TEX15: variants seen among roughly 807,000 people sequenced by gnomAD.
The protein encoded by TEX15 is testis expressed 15, meiosis and synapsis associated.
A neutral mutation model predicts 237.3 loss-of-function variants in TEX15; 171 were observed. That is an observed-to-expected ratio of 0.72 (90% CI 0.64 to 0.82). The LOEUF (loss-of-function observed/expected upper bound fraction) is 0.82, where lower values mean the gene tolerates loss of function less well. TEX15 is among the 40% of genes least tolerant of loss of function. The pLI is 0.00. For missense variants in TEX15, 3,750 were observed against 3,646.5 expected (o/e 1.03, Z -0.73); for synonymous variants, 1,338 against 1,269.8 (o/e 1.05, Z -1.14).
In TEX15 at chr8:30,912,973, A is replaced by G. The variant is rs1195925572; in HGVS notation, c.-180T>C. Reference sequence around the variant, plus strand: ...TGCCTTCCCTGGAAGCCTCAGGAACACAGCAGCACCCCCCAGCGAGGTGCG... The same window carrying G: ...TGCCTTCCCTGGAAGCCTCAGGAACGCAGCAGCACCCCCCAGCGAGGTGCG... On this transcript the variant is annotated 5_prime_UTR_variant, in exon 1 of 11. Coordinates refer to ENST00000643185, the MANE Select transcript of TEX15 (RefSeq NM_001350162.2). The G allele has an allele frequency of 6.6e-6, 1 of 152,422 alleles. No homozygotes were observed. Among genetic ancestry groups the G allele is most frequent in the Non-Finnish European group, 1.5e-5 (1 of 68,208 alleles). 9.4% of individuals were successfully genotyped at this position (152,422 alleles called of 1,614,324 possible).
At chr8:30,904,667 C>A (rs769437705) in intron 1 of TEX15, among the ~76,000 whole-genome samples, 3 of 152,178 alleles carry the variant, frequency 2.0e-5, no homozygotes, top group Non-Finnish European at 4.4e-5. Context: ...TCCTCAGCTT[C>A]TCTTTCAATG....
chr8:30,896,295 G>A (rs1389699974), intron 2 of TEX15, among the ~76,000 whole-genome samples: 6 of 152,064 alleles, frequency 3.9e-5, no homozygotes, highest in Non-Finnish European at 8.8e-5. Flanking sequence ...GTTTTATCAC[G>A]CTTTTAATTT....
At chr8:30,873,200 T>C (rs554106752) in intron 4 of TEX15, among the ~76,000 whole-genome samples, 53 of 152,314 alleles carry the variant, frequency 3.5e-4, no homozygotes, top group African/African-American at 1.2e-3. Context: ...GGGAAAGATT[T>C]AATGCAACAG....
In TEX15 at chr8:30,846,207, T is replaced by C. The variant is rs1807601286; in HGVS notation, c.3960A>G (p.Arg1320=). 6.2e-7 allele frequency: 1 copy of C among 1,613,202 alleles called. No individual in the cohort carries two copies. The highest frequency in any genetic ancestry group is 2.2e-5 in the East Asian group (1 of 44,848). The change falls in exon 8 of 11, where the codon CGA becomes CGG. Residue 1320 remains arginine, a synonymous_variant. Transcript: ENST00000643185. ...DQNIPHKDLR[R]HKIYGRKRRL... ...TCCTCTTTCTCCCATAAATTTTATG[T>C]CGTCTTAAATCTTTATGTGGTATGT...
At position 30,843,012 on chromosome 8, in the gene TEX15, T is replaced by C. The variant is rs1201825873; in HGVS notation, c.7155A>G (p.Lys2385=). 1 of 1,613,578 alleles carries C rather than the reference T, an allele frequency of 6.2e-7. No individual in the cohort carries two copies. The change falls in exon 8 of 11, where the codon AAA becomes AAG. Residue 2385 remains lysine, a synonymous_variant. Transcript: ENST00000643185. Reference sequence around the variant, plus strand: ...ATCTCAAGGTGAGATCCTGTAATTTTTTAAGGTCTGCAAATTCAGCCTGAT... The same window carrying C: ...ATCTCAAGGTGAGATCCTGTAATTTCTTAAGGTCTGCAAATTCAGCCTGAT... ...ILDQAEFADL[K]KLQDLTLRCT...
In TEX15 at chr8:30,846,327, T is replaced by G. The variant is rs749462268; in HGVS notation, c.3840A>C (p.Thr1280=). The G allele has an allele frequency of 6.2e-6, 10 of 1,612,750 alleles. No homozygotes were observed. The Middle Eastern group carries it at 6.6e-4, about 106-fold the overall frequency. ...TIDDGSRCFF[T]KSKTDYNDTK... is the part of the protein sequence containing the mutation. ...TATCATTATAGTCAGTTTTTGATTT[T>G]GTAAAGAAACATCTGCTTCCATCAT... Residue 1280 remains threonine (T), a synonymous_variant, in exon 8 of 11, where the codon ACA becomes ACC. Coordinates refer to ENST00000643185, the MANE Select transcript of TEX15 (RefSeq NM_001350162.2).
chr8:30,893,688 C>G (rs1367734188), intron 2 of TEX15, among the ~76,000 whole-genome samples: 1 of 152,212 alleles, frequency 6.6e-6, no homozygotes, highest in African/African-American at 2.4e-5. Flanking sequence ...GATGTTATCA[C>G]CTCCAATTTA....
At chr8:30,865,329 T>C (rs1167397906) in intron 5 of TEX15, among the ~76,000 whole-genome samples, 2 of 151,996 alleles carry the variant, frequency 1.3e-5, no homozygotes, top group Non-Finnish European at 2.9e-5. Context: ...AATAAAGTCT[T>C]CAGACAAAGA....
intron 1 of TEX15, among the ~76,000 whole-genome samples, chr8:30,909,394 A>ACCCCCCCCCC (rs35046956): frequency 1.0e-3 from 121 of 118,394 alleles, no homozygotes; most frequent in African/African-American, 2.8e-3. Flanking sequence ...TTAAAGACAG[A>ACCCCCCCCCC]CCCCCCCCCG....
rs561187504 is a variant in TEX15, at chr8:30,846,343, C to T, written c.3824G>A (p.Ser1275Asn). 5.0e-6 allele frequency: 8 copies of T among 1,612,932 alleles called. No individual in the cohort carries two copies. In the East Asian group the frequency reaches 1.6e-4, roughly 31 times the overall value. ...PSNVTTIDDG[S>N]RCFFTKSKTD... The stretch of plus-strand genomic sequence containing the variant: ...TTTTGATTTTGTAAAGAAACATCTG[C>T]TTCCATCATCTATTGTTGTGACATT... The change falls in exon 8 of 11, where the codon AGC (serine) becomes AAC (asparagine). Residue 1275 changes from serine to asparagine, a missense_variant. By Grantham distance (46) the Ser-to-Asn change is conservative. Transcript: ENST00000643185.
intron 2 of TEX15, among the ~76,000 whole-genome samples, chr8:30,896,002 A>G (rs1285734392): frequency 6.6e-6 from 1 of 152,110 alleles, no homozygotes; most frequent in Non-Finnish European, 1.5e-5. Flanking sequence ...ATTTAAAGAA[A>G]GTTCAGTACC....
At chr8:30,901,884 T>C (rs1809012099) in intron 1 of TEX15, among the ~76,000 whole-genome samples, 2 of 152,232 alleles carry the variant, frequency 1.3e-5, no homozygotes, top group Admixed American at 6.5e-5. Flanking sequence ...ACATGTCCTA[T>C]ACTTCCTAAT....
In TEX15 at chr8:30,844,561, T is replaced by C. The variant is rs548806572; in HGVS notation, c.5606A>G (p.Asn1869Ser). The change falls in exon 8 of 11, where the codon AAT becomes AGT. Residue 1869 changes from asparagine (N) to serine (S), a missense_variant. Coordinates refer to ENST00000643185, the MANE Select transcript of TEX15 (RefSeq NM_001350162.2). ...KRSMTEGSTV[N>S]TEYKNQKNQI... ...ATTCTTTTGATTTTTGTACTCAGTATTAACAGTTGATCCTTCAGTCATGCT... is the reference window on the plus strand; with the variant it reads ...ATTCTTTTGATTTTTGTACTCAGTACTAACAGTTGATCCTTCAGTCATGCT... 1 of 1,613,092 alleles carries C rather than the reference T, an allele frequency of 6.2e-7. No individual in the cohort carries two copies. The highest frequency in any genetic ancestry group is 1.1e-5 in the South Asian group (1 of 90,982).
rs758196772 is a variant in TEX15, at chr8:30,847,318, T to C, written c.2849A>G (p.Lys950Arg). 6.2e-7 allele frequency: 1 copy of C among 1,613,964 alleles called. No individual in the cohort carries two copies. ...ESEEDTISAV[K>R]QKDTENTGRS... ...TCCAGTATTTTCAGTATCTTTTTGT[T>C]TCACGGCACTAATGGTATCTTCTTC... The change falls in exon 8 of 11, where the codon AAA (lysine) becomes AGA (arginine). Residue 950 changes from lysine to arginine, a missense_variant. Coordinates refer to ENST00000643185, the MANE Select transcript of TEX15 (RefSeq NM_001350162.2).
At chr8:30,874,374 G>A (rs1398935839) in intron 4 of TEX15, among the ~76,000 whole-genome samples, 1 of 152,170 alleles carries the variant, frequency 6.6e-6, no homozygotes, top group East Asian at 1.9e-4. Context: ...AATTAAAAAT[G>A]CTTACAATGA....
intron 2 of TEX15, among the ~76,000 whole-genome samples, chr8:30,895,258 A>G (rs1054099557): frequency 7.2e-6 from 1 of 138,232 alleles, no homozygotes; most frequent in African/African-American, 2.8e-5. Context: ...CGATTGCACC[A>G]CTGCACTCCA....
intron 2 of TEX15, among the ~76,000 whole-genome samples, chr8:30,896,846 C>G (rs780113123): frequency 6.6e-6 from 1 of 152,096 alleles, no homozygotes; most frequent in Non-Finnish European, 1.5e-5. Context: ...GCTAACAAAG[C>G]CTCTTCCAGA....
chr8:30,848,995 C>G lies in TEX15; in HGVS notation c.1172G>C (p.Ser391Thr). ...ISLMPSDAKD[S>T]VNGDLLLNWT... ...ATTTAACAAAAGGTCACCATTAACA[C>G]TGTCTTTGGCATCACTGGGCATAAG... Residue 391 changes from serine (S) to threonine (T), a missense_variant, in exon 8 of 11, where the codon AGT becomes ACT. Coordinates refer to ENST00000643185, the MANE Select transcript of TEX15 (RefSeq NM_001350162.2). The G allele has an allele frequency of 1.2e-6, 2 of 1,614,160 alleles. No individual in the cohort carries two copies. Among genetic ancestry groups the G allele is most frequent in the South Asian group, 2.2e-5 (2 of 91,076 alleles).
At chr8:30,901,875 C>T (rs371218607) in intron 1 of TEX15, among the ~76,000 whole-genome samples, 34 of 152,344 alleles carry the variant, frequency 2.2e-4, no homozygotes, top group African/African-American at 7.0e-4. Flanking sequence ...GTCACCTGGA[C>T]ATGTCCTATA....
Sources: allele counts gnomAD v4.1 joint callset (sites outside exome capture counted in the v4.1 genomes callset), GRCh38; gene constraint gnomAD v4.1.1; transcripts MANE v1.5; gene names NCBI Gene and HGNC (gene_info 2026-07-23, HGNC 2026-07-21).